Variants in KMT5A observed in about 807,000 individuals in gnomAD.
KMT5A encodes the protein lysine methyltransferase 5A.
KMT5A carries 6 observed loss-of-function variants against 40.6 expected under a neutral mutation model. The observed-to-expected ratio is 0.15, with a 90% CI of 0.08 to 0.29. KMT5A has a LOEUF of 0.29. Among genes scored for constraint, KMT5A ranks in the 10% least tolerant of loss-of-function variants. The pLI is 1.00. For synonymous variants in KMT5A, 153 were observed against 178.8 expected, an observed-to-expected ratio of 0.86 and a Z score of 1.15; for missense variants, 308 against 459.1, an observed-to-expected ratio of 0.67 and a Z score of 3.01.
chr12:123,390,824 G>T lies in KMT5A; in HGVS notation c.289+38G>T, dbSNP rs371873771. 22 of 1,607,264 alleles carry T rather than the reference G, an allele frequency of 1.4e-5. No individual in the cohort carries two copies. The Admixed American group carries it at 1.9e-4, about 14-fold the overall frequency. On this transcript the variant is annotated intron_variant, in intron 3 of 7. Coordinates refer to ENST00000402868, the MANE Select transcript of KMT5A (RefSeq NM_020382.7). ...AATGGCCTCGTTCTGATCCCAGCTG[G>T]TCGGGTTGCAGAAGCCTCTGTCCTC...
At position 123,409,016 on chromosome 12, in the gene KMT5A, G is replaced by A. The variant is rs1191400319; in HGVS notation, c.*1313G>A. On this transcript the variant is annotated 3_prime_UTR_variant, in exon 8 of 8. Coordinates refer to ENST00000402868, the MANE Select transcript of KMT5A (RefSeq NM_020382.7). ...ACTGTCCCTTCAGTCCAGGGGGCCG[G>A]GGCTCAGGAGCCATGACCTGGTGTC... 1.3e-5 allele frequency: 2 copies of A among 152,636 alleles called. No homozygotes were observed. The highest frequency in any genetic ancestry group is 1.3e-4 in the Admixed American group (2 of 15,264). 9.5% of individuals were successfully genotyped at this position (152,636 alleles called of 1,614,324 possible).
intron 1 of KMT5A, chr12:123,388,719 C>T (rs1180258245): frequency 6.7e-6 from 1 of 148,362 alleles, no homozygotes; most frequent in East Asian, 2.0e-4. Context: ...CCAAAATATC[C>T]GCAGAGCCAG....
chr12:123,395,970 C>T (rs547690724), intron 4 of KMT5A, among the ~76,000 whole-genome samples: 12 of 152,146 alleles, frequency 7.9e-5, no homozygotes, highest in African/African-American at 1.2e-4. Context: ...TTCAGCCTCC[C>T]GAGTAGTTGG....
At chr12:123,397,383 A>G (rs1877809592) in intron 5 of KMT5A, among the ~76,000 whole-genome samples, 4 of 152,236 alleles carry the variant, frequency 2.6e-5, no homozygotes, top group Non-Finnish European at 2.9e-5. Context: ...CATCCTACAC[A>G]GAGAGGTGGG....
intron 7 of KMT5A, among the ~76,000 whole-genome samples, chr12:123,405,826 T>G (rs537147154): frequency 6.6e-6 from 1 of 151,168 alleles, no homozygotes; most frequent in South Asian, 2.1e-4. Flanking sequence ...CTTCCCTTTT[T>G]TTTTTTCTTT....
In KMT5A at chr12:123,409,050, A is replaced by C. The variant is rs1484238772; in HGVS notation, c.*1347A>C. ...AGCCATGACCTGGTGTCTCCTGCCCACCCTGGTCCCAGGTAAATGTGAATG... is the reference window on the plus strand; with the variant it reads ...AGCCATGACCTGGTGTCTCCTGCCCCCCCTGGTCCCAGGTAAATGTGAATG... On this transcript the variant is annotated 3_prime_UTR_variant, in exon 8 of 8. Transcript: ENST00000402868. 1 of 152,530 alleles carries C rather than the reference A, an allele frequency of 6.6e-6. No homozygotes were observed. The highest frequency in any genetic ancestry group is 1.5e-5 in the Non-Finnish European group (1 of 68,014). 9.4% of individuals were successfully genotyped at this position (152,530 alleles called of 1,614,324 possible).
Position 123,384,239 on chromosome 12 carries a change from G to C in KMT5A, c.10+31G>C. The C allele has an allele frequency of 6.2e-7, 1 of 1,611,666 alleles. No individual in the cohort carries two copies. Among genetic ancestry groups the C allele is most frequent in the South Asian group, 1.1e-5 (1 of 90,890 alleles). ...TGCCCAAGTGGCCGGCACCGGAGCG[G>C]CTGGGTCGGGGGTCGTGCTGGAGGG... On this transcript the variant is annotated intron_variant, in intron 1 of 7. Transcript: ENST00000402868. This position sits in a 1 kb window ranked among gnomAD's most constrained non-coding sequence, Gnocchi z 5.7.
intron 7 of KMT5A, among the ~76,000 whole-genome samples, chr12:123,406,755 G>A (rs967803558): frequency 1.3e-5 from 2 of 152,028 alleles, no homozygotes; most frequent in African/African-American, 4.8e-5. Flanking sequence ...GGCCAGGCGT[G>A]GTAGCTCATG....
chr12:123,394,895 T>C (rs1270106142), intron 3 of KMT5A, 152 bp from the exon 4 acceptor site: 1 of 672,402 alleles, frequency 1.5e-6, no homozygotes, highest in Non-Finnish European at 2.6e-6. Context: ...TCATAGCCCA[T>C]AGCGGACACG....
intron 7 of KMT5A, among the ~76,000 whole-genome samples, chr12:123,405,293 G>A (rs914151023): frequency 6.6e-6 from 1 of 150,996 alleles, no homozygotes; most frequent in African/African-American, 2.4e-5. Context: ...CAGGCTCAAA[G>A]AATTCTCCTC....
intron 1 of KMT5A, chr12:123,388,545 A>C (rs1340201212): frequency 6.6e-6 from 1 of 151,790 alleles, no homozygotes; most frequent in Admixed American, 6.6e-5. Flanking sequence ...CTTGAGTCAC[A>C]GTGTCACCAT....
intron 7 of KMT5A, among the ~76,000 whole-genome samples, chr12:123,406,777 A>G (rs1299799049): frequency 6.6e-6 from 1 of 151,486 alleles, no homozygotes; most frequent in Non-Finnish European, 1.5e-5. Context: ...CTGTGATCCC[A>G]GCACTTTGGG....
intron 5 of KMT5A, among the ~76,000 whole-genome samples, chr12:123,401,025 C>T (rs1005006549): frequency 6.6e-6 from 1 of 151,632 alleles, no homozygotes. Context: ...GAACTCCTGA[C>T]CTCAGGTGAT....
chr12:123,391,721 C>T (rs1006194992), intron 3 of KMT5A, among the ~76,000 whole-genome samples: 9 of 152,254 alleles, frequency 5.9e-5, no homozygotes, highest in Non-Finnish European at 1.0e-4. Flanking sequence ...TTCCCCAATT[C>T]ACCATGCTCT....
chr12:123,391,657 A>G (rs998780508), intron 3 of KMT5A, among the ~76,000 whole-genome samples: 4 of 152,256 alleles, frequency 2.6e-5, no homozygotes, highest in African/African-American at 9.6e-5. Context: ...CCTCTTAGAC[A>G]TCTTGCTCTA....
chr12:123,389,827 C>T (rs1490068506), intron 2 of KMT5A, among the ~76,000 whole-genome samples: 2 of 152,120 alleles, frequency 1.3e-5, no homozygotes, highest in East Asian at 1.9e-4. Context: ...CCTGCGCGGG[C>T]CCCTCGGAGA....
intron 1 of KMT5A, chr12:123,389,186 G>A (rs1451268612): frequency 7.5e-6 from 1 of 133,128 alleles, no homozygotes; most frequent in Non-Finnish European, 1.7e-5. Flanking sequence ...GCTGCAGGTG[G>A]GTGTGTCGGG....
At position 123,389,427 on chromosome 12, in the gene KMT5A, C is replaced by T; in HGVS notation, c.11-6C>T. ...TCCCCCGCTTCCCCCGGGTCCCCTT[C>T]TCCAGGCAGGAAGATGTCCAAGCCC... On this transcript the variant is annotated splice_polypyrimidine_tract_variant and splice_region_variant and intron_variant, in intron 1 of 7. Coordinates refer to ENST00000402868, the MANE Select transcript of KMT5A (RefSeq NM_020382.7). 1.9e-6 allele frequency: 2 copies of T among 1,062,278 alleles called. No individual in the cohort carries two copies. Among genetic ancestry groups the T allele is most frequent in the Non-Finnish European group, 2.3e-6 (2 of 882,568 alleles). 65.8% of individuals were successfully genotyped at this position (1,062,278 alleles called of 1,614,324 possible).
At chr12:123,394,857 A>G (rs891196397) in intron 3 of KMT5A, among the ~76,000 whole-genome samples, 190 bp from the exon 4 acceptor site, 1 of 152,140 alleles carries the variant, frequency 6.6e-6, no homozygotes, top group African/African-American at 2.4e-5. Context: ...TGGTCAAAAA[A>G]TCGAGCTGGA....
Sources: gnomAD v4.1 joint callset for allele counts (sites outside exome capture counted in the v4.1 genomes callset) on GRCh38, gnomAD v4.1.1 for gene constraint, Gnocchi (gnomAD v3.1) non-coding constraint, MANE v1.5 for transcripts, NCBI Gene and HGNC (gene_info 2026-07-23, HGNC 2026-07-21) for gene names.